VAV1: variants seen among roughly 807,000 people sequenced by gnomAD.
VAV1 encodes the protein proto-oncogene vav.
In VAV1, 33 loss-of-function variants were observed where a neutral mutation model predicts 128.1. The observed-to-expected ratio is 0.26, with a 90% confidence interval of 0.20 to 0.34. VAV1 has a LOEUF of 0.34. VAV1 is among the 10% of genes least tolerant of loss of function. The probability of loss-of-function intolerance (pLI) is 1.00; values close to 1 mark genes in which losing one functional copy is unlikely to be tolerated. For synonymous variants in VAV1, 394 were observed against 409.8 expected (o/e 0.96, Z 0.47); for missense variants, 715 against 1,093.7 (o/e 0.65, Z 4.88).
intron 1 of VAV1, among the ~76,000 whole-genome samples, chr19:6,818,587 G>C (rs922896763): frequency 1.3e-5 from 2 of 152,120 alleles, no homozygotes; most frequent in African/African-American, 4.8e-5. Flanking sequence ...ATACATTGAA[G>C]TCTTAACCCC....
chr19:6,832,881 T>C (rs1347898617), intron 15 of VAV1, among the ~76,000 whole-genome samples: 1 of 152,178 alleles, frequency 6.6e-6, no homozygotes, highest in East Asian at 1.9e-4. Flanking sequence ...TGTGCAACCA[T>C]CACCTCTATC....
rs796446253 is a variant in VAV1 at position 6,848,797 on chromosome 19, T to A, written c.2129+683T>A. 7.3e-5 allele frequency among the ~76,000 whole-genome samples: 11 copies of A among 151,690 alleles called. No individual in the cohort carries two copies. In the South Asian group the frequency reaches 1.9e-3, roughly 26 times the overall value. On this transcript the variant is annotated intron_variant, in intron 23 of 26. Transcript: ENST00000602142. ...TAATTTTTTTAATTTAATTTTATTA[T>A]TATTATTGTTATTTTGGTGACAGTC... is the stretch of plus-strand genomic sequence containing the variant.
intron 1 of VAV1, among the ~76,000 whole-genome samples, chr19:6,779,469 A>G (rs1970716614): frequency 6.6e-6 from 1 of 151,188 alleles, no homozygotes; most frequent in African/African-American, 2.4e-5. Flanking sequence ...GTCAGTCTGT[A>G]GAGATTATAA....
At chr19:6,814,664 C>CTTTCT (rs1355542505) in intron 1 of VAV1, among the ~76,000 whole-genome samples, 4 of 76,840 alleles carry the variant, frequency 5.2e-5, no homozygotes, top group Admixed American at 1.4e-4. Flanking sequence ...TCCTTCCTTC[C>CTTTCT]TTCCTTCCTT....
At chr19:6,775,670 C>T (rs951236405) in intron 1 of VAV1, among the ~76,000 whole-genome samples, 6 of 152,104 alleles carry the variant, frequency 3.9e-5, no homozygotes, top group African/African-American at 1.4e-4. Context: ...CTTTGAAGCC[C>T]GGCCGTGTGT....
chr19:6,852,582 G>A (rs545734935), intron 24 of VAV1, among the ~76,000 whole-genome samples: 23 of 151,756 alleles, frequency 1.5e-4, no homozygotes, highest in East Asian at 7.7e-4. Flanking sequence ...TTAGCTGGGC[G>A]TAGTGGCGGG....
intron 9 of VAV1, among the ~76,000 whole-genome samples, chr19:6,827,629 C>T: frequency 6.6e-6 from 1 of 152,064 alleles, no homozygotes; most frequent in South Asian, 2.1e-4. Flanking sequence ...GATGGAGTCT[C>T]CCTCTGTCAC....
At position 6,828,854 on chromosome 19, in the gene VAV1, G is replaced by C. The variant is rs1971981335; in HGVS notation, c.1219G>C (p.Gly407Arg). 1 of 1,614,038 alleles carries C rather than the reference G, an allele frequency of 6.2e-7. No homozygotes were observed. The highest frequency in any genetic ancestry group is 1.3e-5 in the African/African-American group (1 of 74,914). Residue 407 changes from glycine to arginine, a missense_variant, in exon 13 of 27, where the codon GGG becomes CGG. By Grantham distance (125) the Gly-to-Arg change is moderately radical. This residue lies in a region of VAV1 where 407 missense variants were observed against 580.6 expected (regional missense o/e 0.70). Coordinates refer to ENST00000602142, the MANE Select transcript of VAV1 (RefSeq NM_005428.4). This position sits in a 1 kb window ranked among gnomAD's most constrained non-coding sequence, Gnocchi z 4.5. ...LAHYGRPKID[G>R]ELKITSVERR... ...TCACTATGGCCGGCCCAAGATCGAC[G>C]GGGAACTCAAGATCACCTCGGTGGA...
At chr19:6,809,650 G>A (rs1971473800) in intron 1 of VAV1, among the ~76,000 whole-genome samples, 1 of 152,126 alleles carries the variant, frequency 6.6e-6, no homozygotes, top group South Asian at 2.1e-4. Context: ...AAGGTTTCAA[G>A]AGGAGATTGA....
At position 6,793,057 on chromosome 19, in the gene VAV1, G is replaced by A. The variant is rs149628170; in HGVS notation, c.204+20046G>A. Among the ~76,000 whole-genome samples the A allele has an allele frequency of 2.5e-3, 377 of 152,180 alleles. 2 individuals are homozygous for A. Among genetic ancestry groups the A allele is most frequent in the African/African-American group, 7.6e-3 (317 of 41,524 alleles). ...TCAAGAAAGGACCATATATATGGCC[G>A]GGCGCGGTGGCTCACACCTGTAATC... is the stretch of plus-strand genomic sequence containing the variant. On this transcript the variant is annotated intron_variant, in intron 1 of 26. Transcript: ENST00000602142.
At chr19:6,846,757 T>A (rs1972531586) in intron 22 of VAV1, among the ~76,000 whole-genome samples, 1 of 147,744 alleles carries the variant, frequency 6.8e-6, no homozygotes, top group South Asian at 2.1e-4. Flanking sequence ...ATTATAGGGT[T>A]ATATATAACT....
In VAV1 at chr19:6,828,386, C is replaced by A. The variant is rs751482177; in HGVS notation, c.1024-33C>A. ...CTCCCCGCAGGGAGAAGGGGAGGGG[C>A]CCAGGTGACGTCTGACGTCTTGGTT... On this transcript the variant is annotated intron_variant, in intron 10 of 26. Coordinates refer to ENST00000602142, the MANE Select transcript of VAV1 (RefSeq NM_005428.4). The surrounding 1 kb of genome is among the most constrained non-coding windows in gnomAD (Gnocchi z 4.5). 12 of 1,613,264 alleles carry A rather than the reference C, an allele frequency of 7.4e-6. No homozygotes were observed. In the South Asian group the frequency reaches 1.1e-4, roughly 15 times the overall value.
intron 14 of VAV1, among the ~76,000 whole-genome samples, chr19:6,831,765 C>T (rs1305890443): frequency 6.6e-6 from 1 of 152,158 alleles, no homozygotes; most frequent in Non-Finnish European, 1.5e-5. Context: ...GTGTCTGTTT[C>T]TCAGCAGGTG....
chr19:6,855,320 A>G (rs16993888), intron 26 of VAV1, among the ~76,000 whole-genome samples: 4,660 of 152,308 alleles, frequency 0.031, 180 homozygotes, highest in African/African-American at 0.084. Flanking sequence ...GTGGAGGACA[A>G]TTAGGCTTTG....
chr19:6,832,651 T>TC (rs1161839775), intron 15 of VAV1, among the ~76,000 whole-genome samples: 2 of 126,522 alleles, frequency 1.6e-5, no homozygotes, highest in African/African-American at 3.3e-5. Context: ...TTCCTCCCCT[T>TC]CTTCCTCCTC....
At chr19:6,789,914 G>C (rs1363601231) in intron 1 of VAV1, among the ~76,000 whole-genome samples, 5 of 152,142 alleles carry the variant, frequency 3.3e-5, no homozygotes, top group African/African-American at 1.2e-4. Flanking sequence ...TTTATTTAAT[G>C]ATGGGGAGAG....
rs751078934 is a variant in VAV1 at position 6,829,773 on chromosome 19, T to C, written c.1266-13T>C. On this transcript the variant is annotated splice_polypyrimidine_tract_variant and intron_variant, in intron 13 of 26. Coordinates refer to ENST00000602142, the MANE Select transcript of VAV1 (RefSeq NM_005428.4). ...GGAAGAGCCAGACAGGAATGCGTTA[T>C]CCATCCTTCCAGGTATGCCTTCCTG... 1.2e-5 allele frequency: 20 copies of C among 1,613,862 alleles called. No individual in the cohort carries two copies. The highest frequency in any genetic ancestry group is 1.7e-5 in the Non-Finnish European group (20 of 1,179,910).
intron 1 of VAV1, among the ~76,000 whole-genome samples, chr19:6,802,048 G>C (rs1449091898): frequency 1.3e-5 from 2 of 151,764 alleles, no homozygotes; most frequent in Non-Finnish European, 1.5e-5. Context: ...CCTCTCCTAC[G>C]TTTGTTTAAA....
At chr19:6,821,042 C>T (rs923634572) in intron 2 of VAV1, among the ~76,000 whole-genome samples, 4 of 152,158 alleles carry the variant, frequency 2.6e-5, no homozygotes, top group Non-Finnish European at 4.4e-5. Context: ...CTGAGCCCCT[C>T]GTTTCTCATC....
Sources: gnomAD v4.1 joint callset for allele counts (sites outside exome capture counted in the v4.1 genomes callset) on GRCh38, gnomAD v4.1.1 for gene constraint, gnomAD v4.1.1 regional missense constraint, Gnocchi (gnomAD v3.1) non-coding constraint, MANE v1.5 for transcripts, NCBI Gene and HGNC (gene_info 2026-07-23, HGNC 2026-07-21) for gene names.